Variants in LONP2 observed in about 807,000 individuals in gnomAD.
The protein encoded by LONP2 is lon protease homolog 2, peroxisomal.
In LONP2, 60 loss-of-function variants were observed where a neutral mutation model predicts 85.6. The observed-to-expected ratio is 0.70, with a 90% CI of 0.57 to 0.87. The LOEUF is 0.87. LONP2 is among the 40% of genes least tolerant of loss of function. LONP2 has a pLI of 0.00. For missense variants in LONP2, 860 were observed against 1,063.5 expected, an observed-to-expected ratio of 0.81 and a Z score of 2.66; for synonymous variants, 395 against 389.7, an observed-to-expected ratio of 1.01 and a Z score of -0.16.
chr16:48,269,701 A>T (rs75844457), intron 6 of LONP2, among the ~76,000 whole-genome samples: 12,408 of 151,938 alleles, frequency 0.082, 538 homozygotes, highest in Middle Eastern at 0.11. Flanking sequence ...CCTTTTTTTT[A>T]AAAAACAAAT....
Position 48,244,303 on chromosome 16 carries a change from T to C in LONP2, c.-86T>C. 1 of 991,054 alleles carries C rather than the reference T, an allele frequency of 1.0e-6. No homozygotes were observed. The highest frequency in any genetic ancestry group is 1.8e-5 in the South Asian group (1 of 55,426). The allele number at this position is 991,054 out of a possible 1,614,324, so 61.4% of individuals were successfully genotyped here. A position where few individuals can be genotyped will look rare whatever the true frequency, so the allele number is the denominator to read the frequency against. The stretch of plus-strand genomic sequence containing the variant: ...CCGGAAGCGGAGGCGTGGAGGCGGG[T>C]CTGAGGTTTGGTGACTGCGGGGCAG... On this transcript the variant is annotated 5_prime_UTR_variant, in exon 1 of 15. Transcript: ENST00000285737.
At chr16:48,337,412 G>A (rs535983875) in intron 12 of LONP2, among the ~76,000 whole-genome samples, 1 of 152,274 alleles carries the variant, frequency 6.6e-6, no homozygotes, top group African/African-American at 2.4e-5. Flanking sequence ...TGGCTATCAG[G>A]CACTGTGTAA....
rs75839085 is a variant in LONP2, at chr16:48,352,338, C to G, written c.*536C>G. The G allele has an allele frequency of 6.4e-6, 1 of 155,142 alleles. No individual in the cohort carries two copies. Among genetic ancestry groups the G allele is most frequent in the African/African-American group, 2.4e-5 (1 of 41,444 alleles). The allele number at this position is 155,142 out of a possible 1,614,324, so 9.6% of individuals were successfully genotyped here. On this transcript the variant is annotated 3_prime_UTR_variant, in exon 15 of 15. Coordinates refer to ENST00000285737, the MANE Select transcript of LONP2 (RefSeq NM_031490.5). ...AAAGATGAAAGTATAGCCAACTATT[C>G]TTGGCTATATATATATATTCAAGTG...
At chr16:48,261,337 G>A in intron 4 of LONP2, 87 bp from the exon 5 acceptor site, 3 of 906,102 alleles carry the variant, frequency 3.3e-6, no homozygotes, top group East Asian at 2.6e-5. Flanking sequence ...TATTTATTCA[G>A]CACCAGTCAT....
intron 9 of LONP2, among the ~76,000 whole-genome samples, chr16:48,298,476 CAT>C (rs531166126): frequency 9.3e-5 from 14 of 150,336 alleles, no homozygotes; most frequent in South Asian, 6.3e-4. Context: ...CACACACACA[CAT>C]ATATATATAT....
intron 8 of LONP2, among the ~76,000 whole-genome samples, chr16:48,295,074 TTATC>T (rs1454175179): frequency 1.3e-5 from 2 of 152,188 alleles, no homozygotes; most frequent in African/African-American, 4.8e-5. Flanking sequence ...GACTGATAAA[TTATC>T]TAATGTATCT....
chr16:48,324,931 G>C (rs1973338649), intron 11 of LONP2, among the ~76,000 whole-genome samples: 1 of 151,968 alleles, frequency 6.6e-6, no homozygotes, highest in South Asian at 2.1e-4. Flanking sequence ...TTTCTTTGTG[G>C]TAAGTATATT....
chr16:48,351,930 T>TA lies in LONP2; in HGVS notation c.*131dup, dbSNP rs1960165384. 1 of 684,480 alleles carries TA rather than the reference T, an allele frequency of 1.5e-6. No individual in the cohort carries two copies. The highest frequency in any genetic ancestry group is 2.8e-5 in the Admixed American group (1 of 35,588). 42.4% of individuals were successfully genotyped at this position (684,480 alleles called of 1,614,324 possible). On this transcript the variant is annotated 3_prime_UTR_variant, in exon 15 of 15. Coordinates refer to ENST00000285737, the MANE Select transcript of LONP2 (RefSeq NM_031490.5). ...TTTATAAACATAATCACAACAGTAA[T>TA]AAACCTCAAGTAGTGGCTAGTGTTT... is the stretch of plus-strand genomic sequence containing the variant.
At chr16:48,358,770 G>A (rs1356273480), downstream of LONP2, among the ~76,000 whole-genome samples, 2 of 152,098 alleles carry the variant, frequency 1.3e-5, no homozygotes, top group African/African-American at 2.4e-5. Flanking sequence ...GCAGTGAACC[G>A]ATTGCACCAT....
chr16:48,313,331 G>C (rs775468976), intron 11 of LONP2, among the ~76,000 whole-genome samples: 6 of 151,870 alleles, frequency 4.0e-5, no homozygotes, highest in Non-Finnish European at 5.9e-5. Flanking sequence ...TTTTTCTTCA[G>C]CTTTTAAGTT....
At position 48,261,453 on chromosome 16, in the gene LONP2, T is replaced by C. The variant is rs1315095665; in HGVS notation, c.753T>C (p.Ile251=). The C allele has an allele frequency of 6.2e-7, 1 of 1,608,028 alleles. No individual in the cohort carries two copies. Among genetic ancestry groups the C allele is most frequent in the Non-Finnish European group, 8.5e-7 (1 of 1,176,758 alleles). ...RVIAIRPIRR[I]THISGTLEDE... ...TAGCAATACGCCCTATTAGGAGAAT[T>C]ACACATATCTCAGGTACTTTAGAAG... is the stretch of plus-strand genomic sequence containing the variant. Residue 251 remains isoleucine (I), a synonymous_variant, in exon 5 of 15, where the codon ATT becomes ATC. Transcript: ENST00000285737.
At chr16:48,267,605 A>G (rs1972017612) in intron 6 of LONP2, among the ~76,000 whole-genome samples, 1 of 150,944 alleles carries the variant, frequency 6.6e-6, no homozygotes, top group South Asian at 2.1e-4. Context: ...CAGCCTAAAT[A>G]TCTTTGTTTG....
intron 11 of LONP2, among the ~76,000 whole-genome samples, chr16:48,321,379 C>T (rs914528041): frequency 6.6e-6 from 1 of 152,148 alleles, no homozygotes; most frequent in Admixed American, 6.5e-5. Flanking sequence ...ATACATAAAA[C>T]CCACTGAAAA....
chr16:48,305,857 A>G (rs60962209), intron 11 of LONP2, among the ~76,000 whole-genome samples: 1 of 152,128 alleles, frequency 6.6e-6, no homozygotes, highest in Non-Finnish European at 1.5e-5. Context: ...GTGGGTTTAT[A>G]TATTTTTTAT....
Position 48,334,358 on chromosome 16 carries a change from G to A in LONP2, c.1938G>A (p.Glu646=), listed in dbSNP as rs1482004865. ...TTGGGCCCCCGATGTATGAAATGGA[G>A]GTGATTCATTCTTTTTATTTCTTTT... ...DILGPPMYEM[E]VSQRLSQPGV... is the part of the protein sequence containing the mutation. The change falls in exon 12 of 15, where the codon GAG becomes GAA. Residue 646 remains glutamate (E), a splice_region_variant and synonymous_variant. Coordinates refer to ENST00000285737, the MANE Select transcript of LONP2 (RefSeq NM_031490.5). 1 of 1,614,180 alleles carries A rather than the reference G, an allele frequency of 6.2e-7. No individual in the cohort carries two copies. The highest frequency in any genetic ancestry group is 2.2e-5 in the East Asian group (1 of 44,878).
At chr16:48,358,585 GCCAAGGCAGGAGGATCACTTGAGC>G (rs1228384907), downstream of LONP2, among the ~76,000 whole-genome samples, 1 of 152,158 alleles carries the variant, frequency 6.6e-6, no homozygotes, top group Admixed American at 6.5e-5. Flanking sequence ...ACTTCAGGAG[GCCAAGGCAGGAGGATCACTTGAGC>G]CCAAGGGGTT....
chr16:48,333,798 T>C (rs1319399809), intron 11 of LONP2, among the ~76,000 whole-genome samples: 1 of 151,476 alleles, frequency 6.6e-6, no homozygotes, highest in East Asian at 1.9e-4. Context: ...AACAGAGAAT[T>C]GTTAGATCAG....
In LONP2 at chr16:48,252,115, T is replaced by G; in HGVS notation, c.234-16T>G. 6.5e-7 allele frequency: 1 copy of G among 1,540,498 alleles called. No homozygotes were observed. The highest frequency in any genetic ancestry group is 8.8e-7 in the Non-Finnish European group (1 of 1,135,788). ...TATTGAATGTTTGTAATACCGATGT[T>G]TTGTGTGTTTTTCAGGATTGGCACA... is the stretch of plus-strand genomic sequence containing the variant. On this transcript the variant is annotated splice_polypyrimidine_tract_variant and intron_variant, in intron 1 of 14. Transcript: ENST00000285737.
At chr16:48,253,686 C>A (rs1971700055) in intron 2 of LONP2, among the ~76,000 whole-genome samples, 1 of 152,058 alleles carries the variant, frequency 6.6e-6, no homozygotes, top group Non-Finnish European at 1.5e-5. Flanking sequence ...AGCTTCATAG[C>A]CTCTTTTGCT....
Sources: allele counts gnomAD v4.1 joint callset (sites outside exome capture counted in the v4.1 genomes callset), GRCh38; gene constraint gnomAD v4.1.1; transcripts MANE v1.5; gene names NCBI Gene and HGNC (gene_info 2026-07-23, HGNC 2026-07-21).